The following ST6GALNAC3 variants were observed in gnomAD, a reference collection of about 807,000 sequenced individuals.
ST6GALNAC3 encodes the protein ST6 N-acetylgalactosaminide alpha-2,6-sialyltransferase 3.
In ST6GALNAC3, 25 loss-of-function variants were observed where a neutral mutation model predicts 32.7. That is an observed-to-expected ratio of 0.76 (90% confidence interval 0.56 to 1.07). The LOEUF (loss-of-function observed/expected upper bound fraction) is 1.07, where lower values mean the gene tolerates loss of function less well. ST6GALNAC3 is among the 50% of genes least tolerant of loss of function. ST6GALNAC3 has a pLI of 0.00. For missense variants in ST6GALNAC3, 355 were observed against 382.4 expected (o/e 0.93, Z 0.60); for synonymous variants, 129 against 133.1 (o/e 0.97, Z 0.21).
chr1:76,288,934 C>T (rs1659927013), intron 1 of ST6GALNAC3, among the ~76,000 whole-genome samples: 2 of 152,060 alleles, frequency 1.3e-5, no homozygotes, highest in African/African-American at 4.8e-5. Context: ...GTGTGGGGCT[C>T]AAAAATCTGA....
intron 3 of ST6GALNAC3, among the ~76,000 whole-genome samples, chr1:76,613,378 TTTG>T (rs909461566): frequency 6.6e-6 from 1 of 152,150 alleles, no homozygotes; most frequent in Non-Finnish European, 1.5e-5. Flanking sequence ...TTTGCTACAA[TTTG>T]TTATTTATAA....
chr1:76,374,554 A>G (rs1651072313), intron 2 of ST6GALNAC3, among the ~76,000 whole-genome samples: 1 of 152,250 alleles, frequency 6.6e-6, no homozygotes, highest in Non-Finnish European at 1.5e-5. Flanking sequence ...AATGACATGA[A>G]CATATCGTAG....
intron 1 of ST6GALNAC3, among the ~76,000 whole-genome samples, chr1:76,274,711 G>A (rs748107706): frequency 6.6e-6 from 1 of 152,158 alleles, no homozygotes; most frequent in Non-Finnish European, 1.5e-5. Flanking sequence ...AACAGTAAAT[G>A]CAAACATAGG....
At chr1:76,526,777 G>T (rs936765324) in intron 3 of ST6GALNAC3, among the ~76,000 whole-genome samples, 9 of 151,950 alleles carry the variant, frequency 5.9e-5, no homozygotes, top group African/African-American at 1.9e-4. Context: ...GATCCTTTTT[G>T]CTGTGTTTTT....
At position 76,416,168 on chromosome 1, in the gene ST6GALNAC3, A is replaced by C. The variant is rs1654612034; in HGVS notation, c.623+3751A>C. On this transcript the variant is annotated intron_variant, in intron 3 of 4. Coordinates refer to ENST00000328299, the MANE Select transcript of ST6GALNAC3 (RefSeq NM_152996.4). ...GCATCAAAGAAAACATTTGAATGGC[A>C]AACATTTATGTGGATCTGTGCTCAC... Among the ~76,000 whole-genome samples the C allele has an allele frequency of 2.0e-5, 3 of 152,134 alleles. No homozygotes were observed. In the South Asian group the frequency reaches 6.2e-4, roughly 32 times the overall value.
At chr1:76,144,650 A>G (rs953181879) in intron 1 of ST6GALNAC3, among the ~76,000 whole-genome samples, 1 of 152,152 alleles carries the variant, frequency 6.6e-6, no homozygotes, top group Non-Finnish European at 1.5e-5. Context: ...TAATGCACTC[A>G]CCACTTCTTT....
rs1266203011 is a variant in ST6GALNAC3 at position 76,390,682 on chromosome 1, G to T, written c.214-21326G>T. ...GAGCTTGCCAGCCCCAAACCATTGT[G>T]TACCTCACAGCTCTCAGTGCCAGGA... On this transcript the variant is annotated intron_variant, in intron 2 of 4. Transcript: ENST00000328299. 2.6e-5 allele frequency among the ~76,000 whole-genome samples: 4 copies of T among 152,112 alleles called. No homozygotes were observed. In the South Asian group the frequency reaches 6.2e-4, roughly 24 times the overall value.
chr1:76,420,247 C>A (rs1654940621), intron 3 of ST6GALNAC3, among the ~76,000 whole-genome samples: 1 of 152,052 alleles, frequency 6.6e-6, no homozygotes, highest in African/African-American at 2.4e-5. Flanking sequence ...TTGAATTATG[C>A]TATTAACAAA....
At chr1:76,549,258 A>C (rs1223155201) in intron 3 of ST6GALNAC3, among the ~76,000 whole-genome samples, 1 of 152,126 alleles carries the variant, frequency 6.6e-6, no homozygotes, top group South Asian at 2.1e-4. Context: ...TCTCAAATCC[A>C]ATTGATGTCC....
chr1:76,209,666 A>C (rs1270426300), intron 1 of ST6GALNAC3, among the ~76,000 whole-genome samples: 2 of 151,984 alleles, frequency 1.3e-5, no homozygotes, highest in East Asian at 3.9e-4. Flanking sequence ...TTGGTGCCCC[A>C]CTCCCCCAAC....
chr1:76,599,364 G>A (rs1288100689), intron 3 of ST6GALNAC3, among the ~76,000 whole-genome samples: 1 of 152,040 alleles, frequency 6.6e-6, no homozygotes, highest in South Asian at 2.1e-4. Flanking sequence ...ATGTGGCATG[G>A]TGGTTTTCTG....
intron 1 of ST6GALNAC3, among the ~76,000 whole-genome samples, chr1:76,272,014 G>A (rs1658871425): frequency 6.6e-6 from 1 of 151,854 alleles, no homozygotes; most frequent in Non-Finnish European, 1.5e-5. Context: ...TTAGAAACAG[G>A]GTGCATTGTC....
At chr1:76,096,899 T>C (rs1159956404) in intron 1 of ST6GALNAC3, among the ~76,000 whole-genome samples, 3 of 151,430 alleles carry the variant, frequency 2.0e-5, no homozygotes, top group South Asian at 4.2e-4. Context: ...TTGAATTTCA[T>C]GTAGAGGAAG....
At chr1:76,464,217 A>G (rs1254932206) in intron 3 of ST6GALNAC3, among the ~76,000 whole-genome samples, 1 of 152,130 alleles carries the variant, frequency 6.6e-6, no homozygotes, top group Non-Finnish European at 1.5e-5. Context: ...TGCCTTAGCT[A>G]ATTTTCTGCC....
At position 76,573,183 on chromosome 1, in the gene ST6GALNAC3, G is replaced by A. The variant is rs184424235; in HGVS notation, c.624-54269G>A. On this transcript the variant is annotated intron_variant, in intron 3 of 4. Coordinates refer to ENST00000328299, the MANE Select transcript of ST6GALNAC3 (RefSeq NM_152996.4). ...GTCTTTTCCAGGGGGCATGCAAGGC[G>A]ACTGCTGATTTCTACAGACACTTTT... Among the ~76,000 whole-genome samples the A allele has an allele frequency of 1.4e-4, 21 of 152,158 alleles. No homozygotes were observed. The East Asian group carries it at 3.9e-3, about 28-fold the overall frequency.
intron 1 of ST6GALNAC3, among the ~76,000 whole-genome samples, chr1:76,080,394 A>G (rs1255546723): frequency 6.6e-6 from 1 of 152,156 alleles, no homozygotes; most frequent in East Asian, 1.9e-4. Flanking sequence ...TCTAATGTAT[A>G]GCAGGCAGAT....
intron 3 of ST6GALNAC3, among the ~76,000 whole-genome samples, chr1:76,472,162 T>G (rs1162945274): frequency 6.6e-6 from 1 of 152,096 alleles, no homozygotes; most frequent in Non-Finnish European, 1.5e-5. Context: ...ATGTAGAAAT[T>G]TTGTCTAAAA....
chr1:76,363,646 G>A (rs1345949538), intron 2 of ST6GALNAC3, among the ~76,000 whole-genome samples: 10 of 152,090 alleles, frequency 6.6e-5, no homozygotes, highest in Admixed American at 2.0e-4. Flanking sequence ...AGTAATACCC[G>A]AGACTGGGTA....
intron 1 of ST6GALNAC3, among the ~76,000 whole-genome samples, chr1:76,183,741 G>A (rs1268820556): frequency 6.6e-6 from 1 of 151,336 alleles, no homozygotes; most frequent in Non-Finnish European, 1.5e-5. Flanking sequence ...AAGTATTTGT[G>A]TATCTAAACA....
Sources: gnomAD v4.1 joint callset for allele counts (sites outside exome capture counted in the v4.1 genomes callset) on GRCh38, gnomAD v4.1.1 for gene constraint, MANE v1.5 for transcripts, NCBI Gene and HGNC (gene_info 2026-07-23, HGNC 2026-07-21) for gene names.